TRPM2: variants seen among roughly 807,000 people sequenced by gnomAD.
TRPM2 encodes estrogen-responsive element-associated gene 1 protein.
A neutral mutation model predicts 174.0 loss-of-function variants in TRPM2; 161 were observed. The observed-to-expected ratio is 0.93, with a 90% CI of 0.81 to 1.05. The LOEUF (loss-of-function observed/expected upper bound fraction) is 1.05, where lower values mean the gene tolerates loss of function less well. Among genes scored for constraint, TRPM2 ranks in the 50% least tolerant of loss-of-function variants. The pLI is 0.00. For missense variants in TRPM2, 2,057 were observed against 2,038.0 expected (o/e 1.01, Z -0.18); for synonymous variants, 954 against 861.3 (o/e 1.11, Z -1.88).
At chr21:44,405,811 C>T in intron 17 of TRPM2, 94 bp from the exon 18 acceptor site, 1 of 1,490,516 alleles carries the variant, frequency 6.7e-7, no homozygotes, top group East Asian at 2.3e-5. Flanking sequence ...CAGGGCCCAC[C>T]TGGGCTAGGA....
intron 27 of TRPM2, among the ~76,000 whole-genome samples, chr21:44,433,604 G>A (rs2051113174): frequency 6.6e-6 from 1 of 152,218 alleles, no homozygotes; most frequent in African/African-American, 2.4e-5. Flanking sequence ...CTGAGCCCCG[G>A]CCTTCGAGCT....
rs370554911 is a variant in TRPM2 at position 44,441,706 on chromosome 21, C to A, written c.4401C>A (p.Cys1467Ter). The A allele has an allele frequency of 1.2e-6, 2 of 1,610,472 alleles. No individual in the cohort carries two copies. Among genetic ancestry groups the A allele is most frequent in the South Asian group, 2.2e-5 (2 of 90,328 alleles). Reference protein sequence around the residue: ...LNRLNSNLHACDSGASIRWQV... With the variant: ...LNRLNSNLHA ...TGTTCTTCCAGAACCTGCACGCCTG[C>A]GACTCGGGGGCCTCCATCCGATGGC... The change falls in exon 32 of 32, where the codon TGC (cysteine) becomes TGA (stop). Residue 1467 changes from cysteine to a stop codon, truncating the protein, a stop_gained. Coordinates refer to ENST00000397928, the MANE Select transcript of TRPM2 (RefSeq NM_003307.4). LOFTEE classifies it low-confidence loss of function (END_TRUNC).
chr21:44,405,767 C>A, intron 17 of TRPM2, 138 bp from the exon 18 acceptor site: 1 of 1,053,830 alleles, frequency 9.5e-7, no homozygotes, highest in Non-Finnish European at 1.4e-6. Context: ...CTTTGAACAC[C>A]TGGGATGCAG....
rs1020649050 is a variant in TRPM2, at chr21:44,435,032, G to A, written c.3975-99G>A. The A allele has an allele frequency of 2.5e-5, 30 of 1,195,536 alleles. No homozygotes were observed. The African/African-American group carries it at 2.7e-4, about 11-fold the overall frequency. The allele number at this position is 1,195,536 out of a possible 1,614,324, so 74.1% of individuals were successfully genotyped here. A position where few individuals can be genotyped will look rare whatever the true frequency, so the allele number is the denominator to read the frequency against. ...CCTGCATGCTGTCCCGCTGTGCGCC[G>A]GCTCCTGACGCCCGCTGTCCCCTCT... On this transcript the variant is annotated intron_variant, in intron 27 of 31. Coordinates refer to ENST00000397928, the MANE Select transcript of TRPM2 (RefSeq NM_003307.4).
intron 9 of TRPM2, among the ~76,000 whole-genome samples, chr21:44,389,532 C>T (rs754013473): frequency 6.6e-6 from 1 of 152,136 alleles, no homozygotes; most frequent in Admixed American, 6.5e-5. Context: ...TGAGCGTTAC[C>T]CTACATCCTT....
chr21:44,360,302 G>T (rs2146128236), intron 2 of TRPM2, among the ~76,000 whole-genome samples: 1 of 152,308 alleles, frequency 6.6e-6, no homozygotes, highest in South Asian at 2.1e-4. Flanking sequence ...CTGAAGGCTG[G>T]CGACTCGGGC....
rs531317171 is a variant in TRPM2, at chr21:44,353,954, G to A, written c.165+89G>A. 3.1e-5 allele frequency: 46 copies of A among 1,470,580 alleles called. No homozygotes were observed. The South Asian group carries it at 6.0e-4, about 19-fold the overall frequency. The allele number at this position is 1,470,580 out of a possible 1,614,324, so 91.1% of individuals were successfully genotyped here. On this transcript the variant is annotated intron_variant, in intron 1 of 31. Transcript: ENST00000397928. ...CATAGCTTGAGGCTGTGACGACGGG[G>A]GTGGGAAAGGGTCTGCTGACCTTGG...
chr21:44,437,869 A>C (rs1469501112), intron 29 of TRPM2, among the ~76,000 whole-genome samples: 2 of 152,250 alleles, frequency 1.3e-5, no homozygotes, highest in Non-Finnish European at 2.9e-5. Flanking sequence ...AGGAGGTCTG[A>C]GTCCTGCCAG....
At chr21:44,356,130 C>T (rs1301912323) in intron 2 of TRPM2, among the ~76,000 whole-genome samples, 2 of 134,506 alleles carry the variant, frequency 1.5e-5, no homozygotes, top group Non-Finnish European at 1.6e-5. Context: ...GATCCACCCG[C>T]CTCGGCCTCC....
At chr21:44,396,929 G>T (rs1163136419) in intron 12 of TRPM2, among the ~76,000 whole-genome samples, 15 of 147,472 alleles carry the variant, frequency 1.0e-4, no homozygotes, top group Non-Finnish European at 7.5e-5. Flanking sequence ...GGGGTGTGGG[G>T]GGTTGTGGAG....
At chr21:44,403,985 CAT>C (rs2049748134) in intron 16 of TRPM2, among the ~76,000 whole-genome samples, 2 of 151,436 alleles carry the variant, frequency 1.3e-5, no homozygotes, top group Non-Finnish European at 2.9e-5. Context: ...CATACACATG[CAT>C]ACACACATAC....
At chr21:44,398,304 G>A (rs1317505234) in intron 13 of TRPM2, among the ~76,000 whole-genome samples, 1 of 151,496 alleles carries the variant, frequency 6.6e-6, no homozygotes, top group South Asian at 2.1e-4. Flanking sequence ...GGATTCAAGC[G>A]ATTCTCCTGT....
intron 19 of TRPM2, among the ~76,000 whole-genome samples, chr21:44,409,855 A>C (rs2050038051): frequency 7.3e-6 from 1 of 137,414 alleles, no homozygotes; most frequent in Non-Finnish European, 1.5e-5. Context: ...GTAAGTTTTG[A>C]CCACACTGTC....
intron 5 of TRPM2, among the ~76,000 whole-genome samples, chr21:44,370,123 C>T (rs1471098827): frequency 6.6e-6 from 1 of 152,098 alleles, no homozygotes; most frequent in Non-Finnish European, 1.5e-5. Flanking sequence ...TCTGGTATCT[C>T]CCTCAAGGTT....
At chr21:44,397,015 A>G (rs2146265929) in intron 12 of TRPM2, among the ~76,000 whole-genome samples, 1 of 150,974 alleles carries the variant, frequency 6.6e-6, no homozygotes, top group Non-Finnish European at 1.5e-5. Flanking sequence ...TTGGAGAACA[A>G]AGAACTTAGC....
chr21:44,436,441 C>T (rs932412798), intron 28 of TRPM2, among the ~76,000 whole-genome samples: 2 of 152,020 alleles, frequency 1.3e-5, no homozygotes, highest in African/African-American at 4.8e-5. Flanking sequence ...ACTCTCTGCT[C>T]CCCAGTCCTT....
At chr21:44,417,801 C>T in intron 20 of TRPM2, 126 bp from the exon 21 acceptor site, 1 of 965,684 alleles carries the variant, frequency 1.0e-6, no homozygotes, top group Non-Finnish European at 1.5e-6. Context: ...CTCTCTGTGG[C>T]ATCACAGTGG....
At chr21:44,380,062 C>T (rs1254239156) in intron 8 of TRPM2, among the ~76,000 whole-genome samples, 1 of 152,180 alleles carries the variant, frequency 6.6e-6, no homozygotes, top group Non-Finnish European at 1.5e-5. Context: ...CAGATTGGGC[C>T]TGTGGAGAGT....
In TRPM2 at chr21:44,376,157, C is replaced by T. The variant is rs2048693855; in HGVS notation, c.952+144C>T. 7.2e-6 allele frequency: 7 copies of T among 973,848 alleles called. No homozygotes were observed. The East Asian group carries it at 1.1e-4, about 15-fold the overall frequency. The allele number at this position is 973,848 out of a possible 1,614,324, so 60.3% of individuals were successfully genotyped here. On this transcript the variant is annotated intron_variant, in intron 6 of 31. Coordinates refer to ENST00000397928, the MANE Select transcript of TRPM2 (RefSeq NM_003307.4). The surrounding 1 kb of genome is among the most constrained non-coding windows in gnomAD (Gnocchi z 4.2). ...AGTGGGCTGGTCAGAGTGTCAGGTACAGCTGGTCACAGGTCATTCGTGGCA... is the reference window on the plus strand; with the variant it reads ...AGTGGGCTGGTCAGAGTGTCAGGTATAGCTGGTCACAGGTCATTCGTGGCA...
Sources: allele counts gnomAD v4.1 joint callset (sites outside exome capture counted in the v4.1 genomes callset), GRCh38; gene constraint gnomAD v4.1.1; non-coding constraint Gnocchi (gnomAD v3.1); transcripts MANE v1.5; gene names NCBI Gene and HGNC (gene_info 2026-07-23, HGNC 2026-07-21).